LRP1B: variants seen among roughly 807,000 people sequenced by gnomAD.
LRP1B encodes LDL receptor related protein 1B.
A neutral mutation model predicts 556.6 loss-of-function variants in LRP1B; 217 were observed. The ratio of observed to expected loss-of-function variants is 0.39; its 90% confidence interval spans 0.35 to 0.44. The LOEUF is 0.44. LRP1B is among the 20% of genes least tolerant of loss of function. The pLI is 1.00. For missense variants in LRP1B, 5,053 were observed against 5,620.8 expected (o/e 0.90, Z 3.23); for synonymous variants, 2,047 against 1,865.8 (o/e 1.10, Z -2.50).
At chr2:141,333,079 T>A (rs1687716875) in intron 3 of LRP1B, among the ~76,000 whole-genome samples, 3 of 152,096 alleles carry the variant, frequency 2.0e-5, no homozygotes, top group South Asian at 2.1e-4. Context: ...TTATTTCTAT[T>A]TCAGGTTTGT....
intron 44 of LRP1B, 147 bp downstream of exon 44, chr2:140,541,632 A>G: frequency 1.6e-6 from 1 of 640,634 alleles, no homozygotes; most frequent in South Asian, 3.6e-5. Context: ...AGAACTAGAA[A>G]AAAACAAAAT....
In LRP1B at chr2:140,542,061, G is replaced by A. The variant is rs142179730; in HGVS notation, c.7195-90C>T. ...TTTTTGCTTCAAAAATAAAAGATTAGGATTAGTTGGATTTAATTAACAGAA... is the reference window on the plus strand; with the variant it reads ...TTTTTGCTTCAAAAATAAAAGATTAAGATTAGTTGGATTTAATTAACAGAA... On this transcript the variant is annotated intron_variant, in intron 43 of 90. Transcript: ENST00000389484. 2.9e-5 allele frequency: 22 copies of A among 764,452 alleles called. No homozygotes were observed. The Admixed American group carries it at 3.1e-4, about 11-fold the overall frequency. 47.4% of individuals were successfully genotyped at this position (764,452 alleles called of 1,614,324 possible). A position where few individuals can be genotyped will look rare whatever the true frequency, so the allele number is the denominator to read the frequency against.
In LRP1B at chr2:140,989,761, A is replaced by T. The variant is rs183461054; in HGVS notation, c.2645-104T>A. ...AGTTACAGTAATAATATTATAGTACAATAAATGTCATAGAGTCTGTCATTC... is the reference window on the plus strand; with the variant it reads ...AGTTACAGTAATAATATTATAGTACTATAAATGTCATAGAGTCTGTCATTC... On this transcript the variant is annotated intron_variant, in intron 16 of 90. Transcript: ENST00000389484. 1.4e-5 allele frequency: 15 copies of T among 1,068,550 alleles called. No individual in the cohort carries two copies. In the East Asian group the frequency reaches 3.1e-4, roughly 22 times the overall value. The allele number at this position is 1,068,550 out of a possible 1,614,324, so 66.2% of individuals were successfully genotyped here.
At chr2:140,772,242 G>C (rs566324220) in intron 33 of LRP1B, among the ~76,000 whole-genome samples, 2 of 151,010 alleles carry the variant, frequency 1.3e-5, no homozygotes, top group Non-Finnish European at 3.0e-5. Flanking sequence ...ATGAAATTTT[G>C]TTTCTCTCAT....
At chr2:141,801,414 T>G (rs1696001607) in intron 2 of LRP1B, among the ~76,000 whole-genome samples, 1 of 152,094 alleles carries the variant, frequency 6.6e-6, no homozygotes, top group South Asian at 2.1e-4. Flanking sequence ...TTGGCTTCCT[T>G]AAACACTGGG....
intron 2 of LRP1B, among the ~76,000 whole-genome samples, chr2:141,597,088 G>A (rs566364138): frequency 6.7e-6 from 1 of 149,758 alleles, no homozygotes; most frequent in Non-Finnish European, 1.5e-5. Context: ...ACACACATCT[G>A]CATTCATCCA....
chr2:141,914,920 T>C (rs1574488623), intron 1 of LRP1B, among the ~76,000 whole-genome samples: 1 of 152,184 alleles, frequency 6.6e-6, no homozygotes, highest in Non-Finnish European at 1.5e-5. Flanking sequence ...AAAATGGCCA[T>C]ACTACCCAAA....
At chr2:141,433,819 G>A (rs535157111) in intron 3 of LRP1B, among the ~76,000 whole-genome samples, 1 of 151,612 alleles carries the variant, frequency 6.6e-6, no homozygotes, top group Admixed American at 6.6e-5. Context: ...AATTAGGGAA[G>A]CTTTCAGGTA....
chr2:141,935,910 C>A (rs564330248), intron 1 of LRP1B, among the ~76,000 whole-genome samples: 1 of 152,134 alleles, frequency 6.6e-6, no homozygotes, highest in Middle Eastern at 3.2e-3. Flanking sequence ...CAACATGAGA[C>A]CCTGTCTCTT....
At chr2:140,703,775 T>C (rs991582363) in intron 37 of LRP1B, among the ~76,000 whole-genome samples, 2 of 152,134 alleles carry the variant, frequency 1.3e-5, no homozygotes, top group African/African-American at 2.4e-5. Flanking sequence ...AGTGCTTGCT[T>C]TTCTGTTCCT....
At chr2:141,397,477 A>G (rs1690282632) in intron 3 of LRP1B, among the ~76,000 whole-genome samples, 1 of 152,000 alleles carries the variant, frequency 6.6e-6, no homozygotes, top group Admixed American at 6.5e-5. Context: ...AAAATTCAGG[A>G]AAAAAACACA....
chr2:141,886,636 A>AAT (rs1358072636), intron 1 of LRP1B, among the ~76,000 whole-genome samples: 1 of 152,134 alleles, frequency 6.6e-6, no homozygotes, highest in Non-Finnish European at 1.5e-5. Flanking sequence ...ACATCTGCCA[A>AAT]ATATATATAT....
chr2:141,067,070 CTT>C (rs1444642873), intron 7 of LRP1B, among the ~76,000 whole-genome samples: 1 of 151,806 alleles, frequency 6.6e-6, no homozygotes, highest in East Asian at 1.9e-4. Context: ...TTTATAGTAA[CTT>C]AGTGTTATCC....
At chr2:141,159,957 A>C (rs1361872209) in intron 7 of LRP1B, among the ~76,000 whole-genome samples, 2 of 152,072 alleles carry the variant, frequency 1.3e-5, no homozygotes, top group African/African-American at 4.8e-5. Flanking sequence ...ACACATGGAC[A>C]CAGAGAGGGT....
intron 58 of LRP1B, among the ~76,000 whole-genome samples, chr2:140,485,780 TTTG>T (rs1688439641): frequency 6.6e-6 from 1 of 151,750 alleles, no homozygotes; most frequent in Admixed American, 6.6e-5. Context: ...GAGCTGCACA[TTTG>T]TTGTTCACAT....
chr2:140,570,715 A>C (rs953590468), intron 43 of LRP1B, among the ~76,000 whole-genome samples: 1 of 151,854 alleles, frequency 6.6e-6, no homozygotes, highest in Non-Finnish European at 1.5e-5. Context: ...AGGACACCAC[A>C]AAAAAGAAAG....
In LRP1B at chr2:142,074,211, A is replaced by G. The variant is rs192289041; in HGVS notation, c.82+56437T>C. ...CCAATTCGCTGAAGTCTCTCTCCCC[A>G]AAGCCCTCAGGAAATTAATACTGGC... On this transcript the variant is annotated intron_variant, in intron 1 of 90. Coordinates refer to ENST00000389484, the MANE Select transcript of LRP1B (RefSeq NM_018557.3). Among the ~76,000 whole-genome samples the G allele has an allele frequency of 2.0e-5, 3 of 152,118 alleles. No individual in the cohort carries two copies. In the East Asian group the frequency reaches 5.8e-4, roughly 30 times the overall value.
chr2:141,601,599 TTTCCTTCCTTCC>T (rs59436887), intron 2 of LRP1B, among the ~76,000 whole-genome samples: 11,586 of 140,672 alleles, frequency 0.082, 532 homozygotes, highest in Non-Finnish European at 0.1. Flanking sequence ...GTAGCACTCC[TTTCCTTCCTTCC>T]TTCCTTCCTT....
intron 3 of LRP1B, among the ~76,000 whole-genome samples, chr2:141,347,514 T>C (rs1688297823): frequency 6.6e-6 from 1 of 152,008 alleles, no homozygotes; most frequent in East Asian, 1.9e-4. Context: ...AATTTAAAAT[T>C]TAATATAAAA....
Sources: allele counts gnomAD v4.1 joint callset (sites outside exome capture counted in the v4.1 genomes callset), GRCh38; gene constraint gnomAD v4.1.1; transcripts MANE v1.5; gene names NCBI Gene and HGNC (gene_info 2026-07-23, HGNC 2026-07-21).